The following LRRIQ3 variants were observed in gnomAD, a reference collection of about 807,000 sequenced individuals.
LRRIQ3 encodes the protein leucine-rich repeat and IQ domain-containing protein 3.
LRRIQ3 carries 75 observed loss-of-function variants against 59.3 expected under a neutral mutation model. The ratio of observed to expected loss-of-function variants is 1.26; its 90% CI spans 1.05 to 1.53. The LOEUF is 1.53. Among genes scored for constraint, LRRIQ3 ranks in the 40% most tolerant of loss-of-function variants. LRRIQ3 has a pLI of 0.00. For synonymous variants in LRRIQ3, 250 were observed against 231.3 expected, an observed-to-expected ratio of 1.08 and a Z score of -0.73; for missense variants, 831 against 710.0, an observed-to-expected ratio of 1.17 and a Z score of -1.94.
At chr1:74,138,244 A>G (rs1241011479) in intron 4 of LRRIQ3, among the ~76,000 whole-genome samples, 1 of 151,934 alleles carries the variant, frequency 6.6e-6, no homozygotes, top group Non-Finnish European at 1.5e-5. Flanking sequence ...AGTATGGGGT[A>G]GAGGTCAGTA....
intron 1 of LRRIQ3, among the ~76,000 whole-genome samples, chr1:74,190,922 C>T (rs1344594207): frequency 6.6e-6 from 1 of 152,056 alleles, no homozygotes; most frequent in Non-Finnish European, 1.5e-5. Flanking sequence ...TAAGGGGAAA[C>T]CCCTTTCACT....
In LRRIQ3 at chr1:74,182,493, C is replaced by G. The variant is rs775043402; in HGVS notation, c.573+45G>C. 9.2e-5 allele frequency: 119 copies of G among 1,296,074 alleles called. No homozygotes were observed. In the South Asian group the frequency reaches 2.2e-3, roughly 24 times the overall value. 80.3% of individuals were successfully genotyped at this position (1,296,074 alleles called of 1,614,324 possible). ...ATAGAACTCAGAAGCTAAAATTTCC[C>G]TTTTATACATTTAATTAAAATGAAA... On this transcript the variant is annotated intron_variant, in intron 3 of 7. Transcript: ENST00000354431.
At chr1:74,144,974 A>G (rs1168197568) in intron 4 of LRRIQ3, among the ~76,000 whole-genome samples, 3 of 152,016 alleles carry the variant, frequency 2.0e-5, no homozygotes, top group Non-Finnish European at 2.9e-5. Context: ...ACCTACAGAA[A>G]TATTATAGAG....
At chr1:74,120,124 G>GTT (rs377163655) in intron 4 of LRRIQ3, among the ~76,000 whole-genome samples, 1 of 142,650 alleles carries the variant, frequency 7.0e-6, no homozygotes. Context: ...TTTGTATGTT[G>GTT]TTTTTTTTTT....
intron 3 of LRRIQ3, among the ~76,000 whole-genome samples, chr1:74,177,984 A>G (rs1161112906): frequency 6.6e-6 from 1 of 151,984 alleles, no homozygotes; most frequent in African/African-American, 2.4e-5. Context: ...ACTATTGTGC[A>G]CATTAATGGT....
In LRRIQ3 at chr1:74,154,240, C is replaced by CAAAAAAAAAAAAAAAAAAA. The variant is rs71078186; in HGVS notation, c.707+1474_707+1492dup. 3.8e-4 allele frequency among the ~76,000 whole-genome samples: 22 copies of CAAAAAAAAAAAAAAAAAAA among 57,278 alleles called. 1 individual carries two copies. The highest frequency in any genetic ancestry group is 7.6e-4 in the South Asian group (1 of 1,310). The allele number at this position is 57,278 out of a possible 152,430, so 37.6% of individuals were successfully genotyped here. A position where few individuals can be genotyped will look rare whatever the true frequency, so the allele number is the denominator to read the frequency against. ...TGGGCGACAGAGCGAGACTCCTTCT[C>CAAAAAAAAAAAAAAAAAAA]AAAAAAAAAAAAAAAAAAAAAAAAA... On this transcript the variant is annotated intron_variant, in intron 4 of 7. Transcript: ENST00000354431.
intron 3 of LRRIQ3, chr1:74,181,654 T>A (rs1649983127): frequency 6.6e-6 from 1 of 151,820 alleles, no homozygotes; most frequent in African/African-American, 2.4e-5. Context: ...TTTTATATTT[T>A]TAACTATTAG....
intron 1 of LRRIQ3, among the ~76,000 whole-genome samples, chr1:74,194,303 C>T (rs963089951): frequency 2.6e-5 from 4 of 152,054 alleles, no homozygotes; most frequent in Non-Finnish European, 4.4e-5. Flanking sequence ...AGGGGAGAGT[C>T]TAGTAGAACA....
rs1451136954 is a variant in LRRIQ3, at chr1:74,037,229, G to A, written c.1718+3984C>T. 1.3e-5 allele frequency among the ~76,000 whole-genome samples: 2 copies of A among 152,118 alleles called. 1 individual carries two copies. Reference sequence around the variant, plus strand: ...ACAAAGACTTGATTATTTTCTTGAGGGGGTGGGGCCAAAATGGCTGACTAG... The same window carrying A: ...ACAAAGACTTGATTATTTTCTTGAGAGGGTGGGGCCAAAATGGCTGACTAG... On this transcript the variant is annotated intron_variant, in intron 7 of 7. Transcript: ENST00000354431.
chr1:74,138,574 C>T lies in LRRIQ3; in HGVS notation c.707+17159G>A, dbSNP rs911432791. On this transcript the variant is annotated intron_variant, in intron 4 of 7. Transcript: ENST00000354431. Reference sequence around the variant, plus strand: ...GGAACTCTTCAGGAGAGTGAAATGGCCTTTGTTTAAACAAAAATCCTCTCT... The same window carrying T: ...GGAACTCTTCAGGAGAGTGAAATGGTCTTTGTTTAAACAAAAATCCTCTCT... 21 of 818,248 alleles carry T rather than the reference C, an allele frequency of 2.6e-5. No individual in the cohort carries two copies. The African/African-American group carries it at 3.1e-4, about 12-fold the overall frequency. 50.7% of individuals were successfully genotyped at this position (818,248 alleles called of 1,614,324 possible).
intron 6 of LRRIQ3, among the ~76,000 whole-genome samples, chr1:74,048,468 C>A (rs1337695133): frequency 6.6e-6 from 1 of 152,106 alleles, no homozygotes; most frequent in Non-Finnish European, 1.5e-5. Context: ...CATAACCTCC[C>A]AGCAGCTACT....
intron 5 of LRRIQ3, among the ~76,000 whole-genome samples, chr1:74,103,666 T>G (rs1202629907): frequency 6.6e-6 from 1 of 151,896 alleles, no homozygotes; most frequent in Non-Finnish European, 1.5e-5. Context: ...TCATAGAGAA[T>G]CAACTCCTTC....
At chr1:74,105,654 A>G (rs1421536447) in intron 5 of LRRIQ3, among the ~76,000 whole-genome samples, 2 of 151,986 alleles carry the variant, frequency 1.3e-5, no homozygotes, top group Non-Finnish European at 2.9e-5. Flanking sequence ...AAAAATATAT[A>G]TTTAACCTTT....
chr1:74,082,113 TA>T (rs1646279333), intron 5 of LRRIQ3: 1 of 151,578 alleles, frequency 6.6e-6, no homozygotes, highest in Non-Finnish European at 1.5e-5. Context: ...ATATTAAACA[TA>T]GGCACAAAGT....
chr1:74,105,160 T>C (rs761532669), intron 5 of LRRIQ3, among the ~76,000 whole-genome samples: 4 of 151,976 alleles, frequency 2.6e-5, no homozygotes, highest in Non-Finnish European at 4.4e-5. Context: ...AAAGCAATAA[T>C]TATCTAAAAT....
chr1:74,108,409 AAT>A (rs1409447559), intron 5 of LRRIQ3, among the ~76,000 whole-genome samples: 1 of 151,786 alleles, frequency 6.6e-6, no homozygotes, highest in African/African-American at 2.4e-5. Flanking sequence ...TTTTAAGTAG[AAT>A]ATGTTTGCCT....
rs143193251 is a variant in LRRIQ3 at position 74,183,652 on chromosome 1, G to C, written c.33C>G (p.Thr11=). MFHGTVTEEL[T]SHEEWSHYNE... ...TATAGTGACTCCATTCTTCATGACT[G>C]GTTAGCTCTTCTGTGACTGTTCCAT... The change falls in exon 2 of 8, where the codon ACC becomes ACG. Residue 11 remains threonine (T), a synonymous_variant. Coordinates refer to ENST00000354431, the MANE Select transcript of LRRIQ3 (RefSeq NM_001105659.2). 2 of 1,605,232 alleles carry C rather than the reference G, an allele frequency of 1.2e-6. No individual in the cohort carries two copies. The highest frequency in any genetic ancestry group is 1.7e-6 in the Non-Finnish European group (2 of 1,175,654).
chr1:74,190,946 C>G (rs928939403), intron 1 of LRRIQ3, among the ~76,000 whole-genome samples: 3 of 152,146 alleles, frequency 2.0e-5, no homozygotes, highest in African/African-American at 7.2e-5. Context: ...TTCTCATTCT[C>G]TCTTGTCTGC....
At chr1:74,119,281 A>T (rs1459114024) in intron 4 of LRRIQ3, among the ~76,000 whole-genome samples, 1 of 151,852 alleles carries the variant, frequency 6.6e-6, no homozygotes, top group African/African-American at 2.4e-5. Flanking sequence ...TAATTTGCAT[A>T]CTCTTGAATA....
Sources: gnomAD v4.1 joint callset for allele counts (sites outside exome capture counted in the v4.1 genomes callset) on GRCh38, gnomAD v4.1.1 for gene constraint, MANE v1.5 for transcripts, NCBI Gene and HGNC (gene_info 2026-07-23, HGNC 2026-07-21) for gene names.